The following TUSC3 variants were observed in gnomAD, a reference collection of about 807,000 sequenced individuals.
TUSC3 encodes the protein tumor suppressor candidate 3.
Under a neutral mutation model 44.8 loss-of-function variants are expected in TUSC3, and 45 were observed. That is an observed-to-expected ratio of 1.00 (90% CI 0.79 to 1.29). The LOEUF is 1.29. TUSC3 is among the 50% of genes most tolerant of loss of function. The pLI is 0.00. For synonymous variants in TUSC3, 212 were observed against 152.9 expected (o/e 1.39, Z -2.85); for missense variants, 519 against 437.9 (o/e 1.19, Z -1.65).
chr8:15,514,421 A>G (rs576774462), intron 2 of TUSC3, among the ~76,000 whole-genome samples: 2 of 152,360 alleles, frequency 1.3e-5, no homozygotes, highest in South Asian at 4.1e-4. Context: ...CAAAGCATAT[A>G]AAATAAAATA....
chr8:15,851,963 T>G, the TUSC3 span, among the ~76,000 whole-genome samples: 405 of 152,274 alleles, frequency 2.7e-3, 6 homozygotes, highest in Middle Eastern at 0.017. Flanking sequence ...AAATCCCTTT[T>G]GCTTGGATCT....
At chr8:15,487,351 T>C (rs1800746576) in intron 2 of TUSC3, among the ~76,000 whole-genome samples, 1 of 152,198 alleles carries the variant, frequency 6.6e-6, no homozygotes, top group African/African-American at 2.4e-5. Context: ...GCTGTGTTCA[T>C]CAGTGTTCAT....
the TUSC3 span, among the ~76,000 whole-genome samples, chr8:15,827,834 C>T: frequency 2.6e-5 from 4 of 151,828 alleles, no homozygotes; most frequent in Non-Finnish European, 4.4e-5. Flanking sequence ...GAGTTGATGC[C>T]GGAATGTTGA....
At chr8:15,588,298 C>T (rs960460232) in intron 1 of TUSC3, among the ~76,000 whole-genome samples, 1 of 152,076 alleles carries the variant, frequency 6.6e-6, no homozygotes, top group African/African-American at 2.4e-5. Context: ...ATTTGCTTTT[C>T]CCTGATGATC....
At chr8:15,602,180 C>T (rs942343505) in intron 1 of TUSC3, among the ~76,000 whole-genome samples, 1 of 151,518 alleles carries the variant, frequency 6.6e-6, no homozygotes, top group African/African-American at 2.4e-5. Context: ...GTCTGAAGTC[C>T]AAAATGCTTC....
chr8:15,619,524 C>G (rs766316301), intron 1 of TUSC3, among the ~76,000 whole-genome samples: 1 of 150,766 alleles, frequency 6.6e-6, no homozygotes, highest in Non-Finnish European at 1.5e-5. Context: ...CGAAGTCTGT[C>G]TCTGTCGCCC....
upstream of TUSC3, among the ~76,000 whole-genome samples, chr8:15,538,437 G>C (rs904249032): frequency 6.6e-6 from 1 of 152,048 alleles, no homozygotes; most frequent in African/African-American, 2.4e-5. Context: ...ATACAGAAAA[G>C]TGATATATAT....
intron 1 of TUSC3, among the ~76,000 whole-genome samples, chr8:15,620,255 T>C (rs1009010602): frequency 2.0e-4 from 31 of 152,132 alleles, no homozygotes; most frequent in Admixed American, 1.2e-3. Flanking sequence ...CACACTGATA[T>C]AGTGTTTGTA....
intron 2 of TUSC3, among the ~76,000 whole-genome samples, chr8:15,631,479 G>T (rs935627614): frequency 4.6e-5 from 7 of 152,070 alleles, no homozygotes; most frequent in African/African-American, 1.7e-4. Context: ...AACTAGTACA[G>T]TGGACACCTG....
intron 2 of TUSC3, among the ~76,000 whole-genome samples, chr8:15,495,407 G>C (rs139616220): frequency 1.3e-5 from 2 of 152,112 alleles, no homozygotes; most frequent in Admixed American, 1.3e-4. Flanking sequence ...TAAAACCGTG[G>C]AAATGACCTT....
the TUSC3 span, among the ~76,000 whole-genome samples, chr8:15,823,343 G>A: frequency 6.6e-6 from 1 of 152,046 alleles, no homozygotes; most frequent in Non-Finnish European, 1.5e-5. Flanking sequence ...TTTGTCTTAT[G>A]TGAATTAAAG....
chr8:15,844,136 A>C, the TUSC3 span, among the ~76,000 whole-genome samples: 2 of 152,150 alleles, frequency 1.3e-5, no homozygotes, highest in African/African-American at 4.8e-5. Context: ...AGCAGAATGC[A>C]CCATGACAAA....
At chr8:15,755,699 C>T (rs888243682) in intron 9 of TUSC3, among the ~76,000 whole-genome samples, 5 of 150,950 alleles carry the variant, frequency 3.3e-5, no homozygotes, top group African/African-American at 4.9e-5. Flanking sequence ...GGCACTGGAG[C>T]CTAAAGGCCA....
chr8:15,686,981 GAGAATGGC>G (rs1283092682), intron 6 of TUSC3, among the ~76,000 whole-genome samples: 1 of 152,114 alleles, frequency 6.6e-6, no homozygotes, highest in Non-Finnish European at 1.5e-5. Context: ...GCTGAGGCAG[GAGAATGGC>G]CTGAACCCGG....
intron 1 of TUSC3, among the ~76,000 whole-genome samples, chr8:15,450,024 CCT>C (rs1335420708): frequency 2.0e-5 from 3 of 152,018 alleles, no homozygotes; most frequent in Non-Finnish European, 4.4e-5. Context: ...TTCTAAGTTC[CCT>C]CTGTGATCTT....
At chr8:15,553,418 C>T (rs1394852683) in intron 1 of TUSC3, among the ~76,000 whole-genome samples, 1 of 151,132 alleles carries the variant, frequency 6.6e-6, no homozygotes, top group African/African-American at 2.4e-5. Context: ...GAAGGAAATG[C>T]AGCAGAATTT....
chr8:15,806,121 TA>T, the TUSC3 span: 1 of 430,600 alleles, frequency 2.3e-6, no homozygotes, highest in Non-Finnish European at 4.5e-6. Context: ...GAGGTGAAGG[TA>T]AACTCCATGG....
intron 6 of TUSC3, among the ~76,000 whole-genome samples, chr8:15,677,469 G>A (rs1012620433): frequency 3.9e-5 from 6 of 152,200 alleles, no homozygotes; most frequent in Non-Finnish European, 8.8e-5. Context: ...AGAAAACAGA[G>A]CAGGGTTCTT....
At chr8:15,538,769 T>C (rs1462800563), upstream of TUSC3, among the ~76,000 whole-genome samples, 1 of 152,072 alleles carries the variant, frequency 6.6e-6, no homozygotes, top group Non-Finnish European at 1.5e-5. Flanking sequence ...GAAATTATTT[T>C]CATACTCAGT....
Sources: gnomAD v4.1 joint callset for allele counts (sites outside exome capture counted in the v4.1 genomes callset) on GRCh38, gnomAD v4.1.1 for gene constraint, MANE v1.5 for transcripts, NCBI Gene and HGNC (gene_info 2026-07-23, HGNC 2026-07-21) for gene names.